Variants in LRP1B observed in about 807,000 individuals in gnomAD.
LRP1B encodes LDL receptor related protein 1B.
LRP1B carries 217 observed loss-of-function variants against 556.6 expected under a neutral mutation model. The ratio of observed to expected loss-of-function variants is 0.39; its 90% CI spans 0.35 to 0.44. The LOEUF (loss-of-function observed/expected upper bound fraction) is 0.44. LRP1B is among the 20% of genes least tolerant of loss of function. The pLI is 1.00. For synonymous variants in LRP1B, 2,047 were observed against 1,865.8 expected (o/e 1.10, Z -2.50); for missense variants, 5,053 against 5,620.8 (o/e 0.90, Z 3.23).
chr2:140,644,894 T>C (rs1043690652), intron 41 of LRP1B, among the ~76,000 whole-genome samples: 11 of 152,184 alleles, frequency 7.2e-5, no homozygotes, highest in Non-Finnish European at 1.0e-4. Flanking sequence ...TCTAAATATA[T>C]ATTATTTTTT....
chr2:140,734,810 T>C (rs1687892477), intron 35 of LRP1B, among the ~76,000 whole-genome samples: 1 of 152,178 alleles, frequency 6.6e-6, no homozygotes, highest in Non-Finnish European at 1.5e-5. Context: ...CAACATTGGC[T>C]TGATAGGTGA....
chr2:140,877,282 TTTG>T (rs1693339674), intron 25 of LRP1B, among the ~76,000 whole-genome samples: 1 of 152,128 alleles, frequency 6.6e-6, no homozygotes, highest in South Asian at 2.1e-4. Flanking sequence ...TATTCTTTTG[TTTG>T]TTGTTGTTTC....
At chr2:140,989,869 C>A (rs1697038193) in intron 16 of LRP1B, among the ~76,000 whole-genome samples, 1 of 152,072 alleles carries the variant, frequency 6.6e-6, no homozygotes, top group Non-Finnish European at 1.5e-5. Flanking sequence ...GTAATTACAT[C>A]TTAAATAAAA....
chr2:140,968,825 T>C (rs1022602916), intron 18 of LRP1B, among the ~76,000 whole-genome samples: 25 of 152,226 alleles, frequency 1.6e-4, no homozygotes, highest in Non-Finnish European at 2.8e-4. Flanking sequence ...TCAGTTTCCA[T>C]GTAGTTGAGC....
intron 3 of LRP1B, among the ~76,000 whole-genome samples, chr2:141,311,024 T>C (rs565010544): frequency 6.7e-4 from 102 of 152,226 alleles, no homozygotes; most frequent in Non-Finnish European, 1.3e-3. Context: ...AAAGTTAAAG[T>C]TATTTTATTT....
rs933902224 is a variant in LRP1B at position 141,207,646 on chromosome 2, G to A, written c.851-19063C>T. ...TAACAATTAATATTCTCTAGCACATGTGGGGAGCATGTTTTTGTTTTTGTT... is the reference window on the plus strand; with the variant it reads ...TAACAATTAATATTCTCTAGCACATATGGGGAGCATGTTTTTGTTTTTGTT... On this transcript the variant is annotated intron_variant, in intron 6 of 90. Coordinates refer to ENST00000389484, the MANE Select transcript of LRP1B (RefSeq NM_018557.3). Among the ~76,000 whole-genome samples, 19 of 149,286 alleles carry A rather than the reference G, an allele frequency of 1.3e-4. 1 individual carries two copies. The East Asian group carries it at 1.4e-3, about 11-fold the overall frequency.
At chr2:140,432,314 G>A (rs138640637) in intron 66 of LRP1B, among the ~76,000 whole-genome samples, 113 of 151,988 alleles carry the variant, frequency 7.4e-4, no homozygotes, top group African/African-American at 2.4e-3. Flanking sequence ...CTCTCTTTTC[G>A]GACTCAGCCC....
chr2:140,579,922 T>C (rs1000650636), intron 43 of LRP1B, among the ~76,000 whole-genome samples: 1 of 152,224 alleles, frequency 6.6e-6, no homozygotes, highest in African/African-American at 2.4e-5. Flanking sequence ...TCTGCTTTCC[T>C]TCTCTCCTTT....
In LRP1B at chr2:141,166,367, CTTT is replaced by C. The variant is rs35200370; in HGVS notation, c.1013+22051_1013+22053del. 4.5e-5 allele frequency among the ~76,000 whole-genome samples: 6 copies of C among 132,726 alleles called. No individual in the cohort carries two copies. The East Asian group carries it at 1.2e-3, about 26-fold the overall frequency. The allele number at this position is 132,726 out of a possible 152,430, so 87.1% of individuals were successfully genotyped here. On this transcript the variant is annotated intron_variant, in intron 7 of 90. Coordinates refer to ENST00000389484, the MANE Select transcript of LRP1B (RefSeq NM_018557.3). ...TCTGACTAACATCTTCTCTCTCATT[CTTT>C]TTTTTTTTTTTTTTACATTTTAATA...
chr2:141,689,904 T>C (rs182692267), intron 2 of LRP1B, among the ~76,000 whole-genome samples: 618 of 151,928 alleles, frequency 4.1e-3, no homozygotes, highest in Admixed American at 6.8e-3. Context: ...AATGTAAATT[T>C]TCTATAGGAT....
intron 2 of LRP1B, among the ~76,000 whole-genome samples, chr2:141,762,565 A>C (rs917267384): frequency 2.6e-5 from 4 of 151,978 alleles, no homozygotes; most frequent in Non-Finnish European, 4.4e-5. Context: ...ATATTTTTTT[A>C]CTCCGTATAG....
chr2:140,714,493 A>G (rs1257534422), intron 37 of LRP1B, among the ~76,000 whole-genome samples: 1 of 152,172 alleles, frequency 6.6e-6, no homozygotes, highest in Non-Finnish European at 1.5e-5. Flanking sequence ...GAAAATCCAC[A>G]GATTGACATG....
chr2:140,683,906 T>C, intron 41 of LRP1B: 1 of 490,474 alleles, frequency 2.0e-6, no homozygotes, highest in Non-Finnish European at 3.7e-6. Flanking sequence ...CATGCCGGGC[T>C]GCCCGCGGCT....
At chr2:140,829,531 C>A (rs948647311) in intron 31 of LRP1B, among the ~76,000 whole-genome samples, 2 of 152,060 alleles carry the variant, frequency 1.3e-5, no homozygotes, top group African/African-American at 4.8e-5. Context: ...CCTGAATAAT[C>A]AATGGGTCAA....
chr2:140,495,501 C>T (rs2104872172), intron 56 of LRP1B, 64 bp downstream of exon 56: 1 of 1,422,124 alleles, frequency 7.0e-7, no homozygotes, highest in Non-Finnish European at 9.7e-7. Context: ...ATAAGAACGG[C>T]TATAAAATTC....
intron 1 of LRP1B, among the ~76,000 whole-genome samples, chr2:141,996,459 G>A (rs1050825476): frequency 6.6e-6 from 1 of 152,040 alleles, no homozygotes. Flanking sequence ...ACTTTGCAAG[G>A]TAGTACTGAG....
In LRP1B at chr2:140,485,363, C is replaced by A; in HGVS notation, c.9405G>T (p.Leu3135Phe). ...CAAACCCAGCTTGAGGATCTAAAGA[C>A]AAGTCTCTGGGAAACTTCAGCCTTT... ...VSKRLKFPRDLSLDPQAGYLY... is the reference protein window; with the variant it reads ...VSKRLKFPRDFSLDPQAGYLY... Residue 3135 changes from leucine (L) to phenylalanine (F), a missense_variant, in exon 59 of 91, where the codon TTG becomes TTT. By Grantham distance (22) the Leu-to-Phe change is conservative. Coordinates refer to ENST00000389484, the MANE Select transcript of LRP1B (RefSeq NM_018557.3). The A allele has an allele frequency of 6.2e-7, 1 of 1,610,708 alleles. No homozygotes were observed. The highest frequency in any genetic ancestry group is 8.5e-7 in the Non-Finnish European group (1 of 1,178,896).
intron 20 of LRP1B, among the ~76,000 whole-genome samples, chr2:140,948,497 G>A (rs1695609022): frequency 6.6e-6 from 1 of 152,190 alleles, no homozygotes; most frequent in Non-Finnish European, 1.5e-5. Context: ...GAGGTAAAGA[G>A]AGAAGAGTGA....
chr2:140,621,384 C>CAA (rs61045975), intron 41 of LRP1B, among the ~76,000 whole-genome samples: 1,171 of 106,590 alleles, frequency 0.011, 20 homozygotes, highest in Middle Eastern at 0.036. Context: ...GACTCTGTCT[C>CAA]AAAAAAAAAA....
Sources: allele counts gnomAD v4.1 joint callset (sites outside exome capture counted in the v4.1 genomes callset), GRCh38; gene constraint gnomAD v4.1.1; transcripts MANE v1.5; gene names NCBI Gene and HGNC (gene_info 2026-07-23, HGNC 2026-07-21).